CAMTA1: variants seen among roughly 807,000 people sequenced by gnomAD.
CAMTA1 encodes the protein calmodulin-binding transcription activator 1.
Under a neutral mutation model 170.9 loss-of-function variants are expected in CAMTA1, and 27 were observed. That is an observed-to-expected ratio of 0.16 (90% CI 0.12 to 0.22). The LOEUF is 0.22. CAMTA1 is among the 10% of genes least tolerant of loss of function. The pLI, the probability that CAMTA1 is intolerant of heterozygous loss-of-function variation, is 1.00. For missense variants in CAMTA1, 1,619 were observed against 2,217.2 expected, an observed-to-expected ratio of 0.73 and a Z score of 5.42; for synonymous variants, 833 against 891.5, an observed-to-expected ratio of 0.93 and a Z score of 1.17.
intron 6 of CAMTA1, among the ~76,000 whole-genome samples, chr1:7,595,520 G>A (rs1252496486): frequency 6.6e-6 from 1 of 152,184 alleles, no homozygotes; most frequent in South Asian, 2.1e-4. Context: ...TGAATCTGGA[G>A]GCTGATTCTG....
chr1:7,142,109 G>A (rs779321625), intron 4 of CAMTA1: 66 of 518,600 alleles, frequency 1.3e-4, no homozygotes, highest in South Asian at 1.4e-5. Flanking sequence ...CTGTTACTTT[G>A]TTGGGGTGAG....
chr1:7,104,043 C>CA (rs1444634537), intron 4 of CAMTA1, among the ~76,000 whole-genome samples: 4 of 149,772 alleles, frequency 2.7e-5, no homozygotes, highest in Non-Finnish European at 5.9e-5. Flanking sequence ...ATGCATACAA[C>CA]ACACACAACT....
intron 4 of CAMTA1, among the ~76,000 whole-genome samples, chr1:7,171,044 T>C (rs900999996): frequency 6.6e-6 from 1 of 152,220 alleles, no homozygotes; most frequent in Non-Finnish European, 1.5e-5. Context: ...CTGAGAAAAG[T>C]GCCCTAAAAA....
intron 3 of CAMTA1, among the ~76,000 whole-genome samples, chr1:7,025,689 G>A (rs1489093072): frequency 6.6e-6 from 1 of 152,192 alleles, no homozygotes. Context: ...CTGGCGAGGT[G>A]GGAGAGATGT....
intron 4 of CAMTA1, among the ~76,000 whole-genome samples, chr1:7,138,108 C>T (rs571841727): frequency 4.6e-5 from 7 of 152,318 alleles, no homozygotes; most frequent in African/African-American, 1.7e-4. Context: ...ACATCAGCCA[C>T]CCAAGTAGCT....
In CAMTA1 at chr1:6,785,557, G is replaced by A. The variant is rs1638887811; in HGVS notation, c.27G>A (p.Leu9=). 2 of 1,077,398 alleles carry A rather than the reference G, an allele frequency of 1.9e-6. No homozygotes were observed. The highest frequency in any genetic ancestry group is 2.3e-6 in the Non-Finnish European group (2 of 872,462). 66.7% of individuals were successfully genotyped at this position (1,077,398 alleles called of 1,614,324 possible). A position where few individuals can be genotyped will look rare whatever the true frequency, so the allele number is the denominator to read the frequency against. The change falls in exon 1 of 23, where the codon CTG becomes CTA. Residue 9 remains leucine (L), a synonymous_variant. Transcript: ENST00000303635. MWRAEGKW[L]PKTSRKSVSQ... ...TGTGGCGCGCGGAGGGGAAATGGCT[G>A]CCGAAAACAAGCCGGAAGGTAAGAG...
rs188398971 is a variant in CAMTA1, at chr1:7,365,934, C to T, written c.439-101896C>T. 3.8e-3 allele frequency among the ~76,000 whole-genome samples: 575 copies of T among 152,312 alleles called. 3 individuals are homozygous for T. Among genetic ancestry groups the T allele is most frequent in the African/African-American group, 0.012 (492 of 41,576 alleles). On this transcript the variant is annotated intron_variant, in intron 5 of 22. Transcript: ENST00000303635. ...CGCGCACAGGGTCATCAGCTTCCTG[C>T]GTCTGAATCCCCAACCTGGGGGTGT...
At chr1:6,853,677 C>T (rs900156190) in intron 3 of CAMTA1, among the ~76,000 whole-genome samples, 2 of 152,142 alleles carry the variant, frequency 1.3e-5, no homozygotes, top group Non-Finnish European at 2.9e-5. Context: ...CAGATCACAA[C>T]TCTGTACCGC....
intron 5 of CAMTA1, among the ~76,000 whole-genome samples, chr1:7,283,154 A>C (rs1574419122): frequency 6.6e-6 from 1 of 152,162 alleles, no homozygotes; most frequent in Non-Finnish European, 1.5e-5. Flanking sequence ...CGCTGCAGGC[A>C]AGGATTTTGT....
chr1:7,056,312 A>G (rs2101676327), intron 3 of CAMTA1, among the ~76,000 whole-genome samples: 1 of 152,206 alleles, frequency 6.6e-6, no homozygotes, highest in East Asian at 1.9e-4. Context: ...ATTTAAATTT[A>G]TATTTTCAAT....
intron 5 of CAMTA1, among the ~76,000 whole-genome samples, chr1:7,277,813 G>T (rs1670965613): frequency 1.3e-5 from 2 of 150,546 alleles, no homozygotes; most frequent in African/African-American, 4.9e-5. Context: ...TATCATATAT[G>T]CTATTTTGTA....
At chr1:7,717,213 C>G (rs1169711785) in intron 11 of CAMTA1, among the ~76,000 whole-genome samples, 3 of 151,942 alleles carry the variant, frequency 2.0e-5, no homozygotes, top group African/African-American at 7.3e-5. Flanking sequence ...CCTGGTGACT[C>G]GAGTTCATCA....
At chr1:7,400,918 AT>A (rs757791842) in intron 5 of CAMTA1, among the ~76,000 whole-genome samples, 2 of 152,196 alleles carry the variant, frequency 1.3e-5, no homozygotes, top group African/African-American at 2.4e-5. Context: ...GTCATTTATC[AT>A]TATGTGATTT....
intron 3 of CAMTA1, among the ~76,000 whole-genome samples, chr1:6,871,237 T>G (rs1668321776): frequency 6.6e-6 from 1 of 152,214 alleles, no homozygotes; most frequent in Non-Finnish European, 1.5e-5. Flanking sequence ...GCAGTGAAAG[T>G]TGAATGTGAG....
chr1:7,683,268 A>G (rs1216276598), intron 11 of CAMTA1, among the ~76,000 whole-genome samples: 1 of 152,012 alleles, frequency 6.6e-6, no homozygotes, highest in Non-Finnish European at 1.5e-5. Flanking sequence ...AAGACAGAGG[A>G]GCAAAAATTA....
rs542082049 is a variant in CAMTA1 at position 6,793,676 on chromosome 1, G to A, written c.45+8101G>A. ...GTGTATTTGTGTCTTATATTAGAAT[G>A]AAATGCAGATACAACCAGAGGTATT... On this transcript the variant is annotated intron_variant, in intron 1 of 22. Coordinates refer to ENST00000303635, the MANE Select transcript of CAMTA1 (RefSeq NM_015215.4). 2.4e-4 allele frequency among the ~76,000 whole-genome samples: 36 copies of A among 152,294 alleles called. 1 individual carries two copies. In the South Asian group the frequency reaches 7.3e-3, roughly 31 times the overall value.
Position 6,905,019 on chromosome 1 carries a change from C to T in CAMTA1, c.234+79809C>T, listed in dbSNP as rs1678069727. The stretch of plus-strand genomic sequence containing the variant: ...TCCTGAGGCCAGTGGCCCACGCTTG[C>T]CACTCTGGGGTCCGCTCTGTTGCTG... On this transcript the variant is annotated intron_variant, in intron 3 of 22. Coordinates refer to ENST00000303635, the MANE Select transcript of CAMTA1 (RefSeq NM_015215.4). Among the ~76,000 whole-genome samples the T allele has an allele frequency of 2.0e-5, 3 of 152,150 alleles. No homozygotes were observed. In the South Asian group the frequency reaches 6.2e-4, roughly 32 times the overall value.
intron 5 of CAMTA1, among the ~76,000 whole-genome samples, chr1:7,289,585 G>A (rs1672828049): frequency 6.6e-6 from 1 of 152,202 alleles, no homozygotes. Context: ...TGTCCACCCT[G>A]AACCTCAGAA....
intron 5 of CAMTA1, among the ~76,000 whole-genome samples, chr1:7,288,951 C>T (rs943249741): frequency 1.3e-5 from 2 of 152,160 alleles, no homozygotes; most frequent in African/African-American, 4.8e-5. Flanking sequence ...GCTCCTGGTT[C>T]CACAGGCTGC....
Sources: allele counts gnomAD v4.1 joint callset (sites outside exome capture counted in the v4.1 genomes callset), GRCh38; gene constraint gnomAD v4.1.1; transcripts MANE v1.5; gene names NCBI Gene and HGNC (gene_info 2026-07-23, HGNC 2026-07-21).